PARP11: variants seen among roughly 807,000 people sequenced by gnomAD.
PARP11 encodes poly(ADP-ribose) polymerase family member 11.
In PARP11, 31 loss-of-function variants were observed where a neutral mutation model predicts 42.9. The observed-to-expected ratio is 0.72, with a 90% CI of 0.54 to 0.98. The LOEUF (loss-of-function observed/expected upper bound fraction) is 0.98, where lower values mean the gene tolerates loss of function less well. Among genes scored for constraint, PARP11 ranks in the 50% least tolerant of loss-of-function variants. The probability of loss-of-function intolerance (pLI) is 0.00; values close to 1 mark genes in which losing one functional copy is unlikely to be tolerated. For synonymous variants in PARP11, 137 were observed against 127.3 expected (o/e 1.08, Z -0.51); for missense variants, 365 against 413.1 (o/e 0.88, Z 1.01).
chr12:3,852,533 T>C (rs1467012820), intron 1 of PARP11, among the ~76,000 whole-genome samples: 1 of 152,100 alleles, frequency 6.6e-6, no homozygotes, highest in Non-Finnish European at 1.5e-5. Flanking sequence ...GAAGAAAGGG[T>C]ATCAGTGACT....
intron 6 of PARP11, among the ~76,000 whole-genome samples, chr12:3,820,393 C>T (rs746228098): frequency 6.6e-6 from 1 of 152,148 alleles, no homozygotes; most frequent in Non-Finnish European, 1.5e-5. Flanking sequence ...TAATGAGACT[C>T]AGTATTTTGT....
intron 1 of PARP11, among the ~76,000 whole-genome samples, chr12:3,862,720 C>A (rs1948318427): frequency 1.3e-5 from 2 of 151,864 alleles, no homozygotes. Flanking sequence ...CCCACTGAAT[C>A]GTACCTTTTA....
intron 1 of PARP11, among the ~76,000 whole-genome samples, chr12:3,857,344 T>A (rs1211528869): frequency 1.3e-5 from 2 of 152,138 alleles, no homozygotes; most frequent in African/African-American, 2.4e-5. Flanking sequence ...ACGGTGATCA[T>A]GAAGCAACAG....
At chr12:3,825,858 C>CT (rs1412342139) in intron 4 of PARP11, among the ~76,000 whole-genome samples, 1 of 152,076 alleles carries the variant, frequency 6.6e-6, no homozygotes, top group African/African-American at 2.4e-5. Context: ...TCCCGAGTAG[C>CT]TGGGACCACA....
chr12:3,852,603 A>C (rs1298179737), intron 1 of PARP11, among the ~76,000 whole-genome samples: 2 of 152,230 alleles, frequency 1.3e-5, no homozygotes, highest in Non-Finnish European at 1.5e-5. Flanking sequence ...AAAAGAAATG[A>C]ACAAAGCCTC....
chr12:3,862,626 T>C (rs1364449076), intron 1 of PARP11, among the ~76,000 whole-genome samples: 1 of 150,492 alleles, frequency 6.6e-6, no homozygotes, highest in Non-Finnish European at 1.5e-5. Context: ...TTTTATAGTA[T>C]AGCAAAGTAT....
chr12:3,846,464 T>C (rs948976929), intron 1 of PARP11, among the ~76,000 whole-genome samples: 2 of 151,996 alleles, frequency 1.3e-5, no homozygotes, highest in Non-Finnish European at 2.9e-5. Context: ...CATAAAGAAA[T>C]AGAAAACTTG....
chr12:3,873,130 G>A (rs1355142033), intron 1 of PARP11, 82 bp downstream of exon 1: 17 of 1,279,046 alleles, frequency 1.3e-5, no homozygotes, highest in Non-Finnish European at 1.8e-5. Context: ...CGAGCGCGGG[G>A]AAGCAGTTCC....
rs975895626 is a variant in PARP11, at chr12:3,809,179, A to G, written c.*2944T>C. The G allele has an allele frequency of 3.3e-5, 5 of 152,200 alleles. No homozygotes were observed. The highest frequency in any genetic ancestry group is 7.3e-5 in the Non-Finnish European group (5 of 68,036). 9.4% of individuals were successfully genotyped at this position (152,200 alleles called of 1,614,324 possible). A position where few individuals can be genotyped will look rare whatever the true frequency, so the allele number is the denominator to read the frequency against. Reference sequence around the variant, plus strand: ...CACTCTATGGGATGATAACAGGAAAAGATGGCAAATGGTTGTGTCCAGTAT... The same window carrying G: ...CACTCTATGGGATGATAACAGGAAAGGATGGCAAATGGTTGTGTCCAGTAT... On this transcript the variant is annotated 3_prime_UTR_variant, in exon 8 of 8. Coordinates refer to ENST00000228820, the MANE Select transcript of PARP11 (RefSeq NM_020367.6).
chr12:3,862,704 C>A (rs1948318227), intron 1 of PARP11, among the ~76,000 whole-genome samples: 2 of 151,846 alleles, frequency 1.3e-5, no homozygotes, highest in Admixed American at 1.3e-4. Context: ...AAACAACTGT[C>A]CTTTTCCCAC....
chr12:3,838,799 GA>G (rs547638958), intron 1 of PARP11, among the ~76,000 whole-genome samples: 2 of 152,232 alleles, frequency 1.3e-5, no homozygotes, highest in Non-Finnish European at 2.9e-5. Context: ...GTGGGGAAAC[GA>G]AAGGCCGCGT....
At chr12:3,817,094 G>T (rs1327766083) in intron 6 of PARP11, among the ~76,000 whole-genome samples, 3 of 152,166 alleles carry the variant, frequency 2.0e-5, no homozygotes, top group Non-Finnish European at 4.4e-5. Context: ...AGGAGGCTGA[G>T]GCAGGAGAAT....
chr12:3,825,005 C>A (rs1356770200), intron 4 of PARP11, among the ~76,000 whole-genome samples: 1 of 151,882 alleles, frequency 6.6e-6, no homozygotes, highest in Non-Finnish European at 1.5e-5. Flanking sequence ...AACCAAAAGT[C>A]TTGAGAAACA....
chr12:3,852,223 C>T (rs569443119), intron 1 of PARP11, among the ~76,000 whole-genome samples: 1 of 152,222 alleles, frequency 6.6e-6, no homozygotes, highest in African/African-American at 2.4e-5. Context: ...CAGAGCACCT[C>T]TTCTCCTCCA....
At chr12:3,857,490 C>G (rs151172354) in intron 1 of PARP11, among the ~76,000 whole-genome samples, 2 of 152,070 alleles carry the variant, frequency 1.3e-5, no homozygotes, top group Non-Finnish European at 2.9e-5. Flanking sequence ...GCTGAGACAG[C>G]CTTTACAGGA....
chr12:3,857,876 A>ATC (rs1454374737), intron 1 of PARP11, among the ~76,000 whole-genome samples: 1 of 152,254 alleles, frequency 6.6e-6, no homozygotes, highest in East Asian at 1.9e-4. Flanking sequence ...TGACCAGGAT[A>ATC]TCCTTAGATC....
At chr12:3,860,337 A>C (rs1481294932) in intron 1 of PARP11, among the ~76,000 whole-genome samples, 1 of 152,198 alleles carries the variant, frequency 6.6e-6, no homozygotes, top group Non-Finnish European at 1.5e-5. Context: ...AAGACAAGGA[A>C]GGACCCTAAA....
chr12:3,872,113 G>A (rs775223154), intron 1 of PARP11, among the ~76,000 whole-genome samples: 2 of 152,062 alleles, frequency 1.3e-5, no homozygotes, highest in Non-Finnish European at 2.9e-5. Context: ...ATTCCAGAAG[G>A]GACCTTCCTC....
At chr12:3,839,416 G>A in intron 1 of PARP11, 1 of 1,586,186 alleles carries the variant, frequency 6.3e-7, no homozygotes, top group Non-Finnish European at 8.6e-7. Context: ...TCGGAAACTG[G>A]TCGCCAAGGA....
Sources: allele counts gnomAD v4.1 joint callset (sites outside exome capture counted in the v4.1 genomes callset), GRCh38; gene constraint gnomAD v4.1.1; transcripts MANE v1.5; gene names NCBI Gene and HGNC (gene_info 2026-07-23, HGNC 2026-07-21).